Variants in LUZP2 observed in about 807,000 individuals in gnomAD.
LUZP2 encodes the protein leucine zipper protein 2.
LUZP2 carries 52 observed loss-of-function variants against 51.6 expected under a neutral mutation model. The ratio of observed to expected loss-of-function variants is 1.01; its 90% CI spans 0.81 to 1.27. LUZP2 has a LOEUF of 1.27. LUZP2 is among the 50% of genes most tolerant of loss of function. The pLI, the probability that LUZP2 is intolerant of heterozygous loss-of-function variation, is 0.00. For missense variants in LUZP2, 436 were observed against 395.4 expected (o/e 1.10, Z -0.87); for synonymous variants, 154 against 137.3 (o/e 1.12, Z -0.85).
chr11:24,759,859 A>G (rs1221216416), intron 4 of LUZP2, among the ~76,000 whole-genome samples: 1 of 152,182 alleles, frequency 6.6e-6, no homozygotes, highest in African/African-American at 2.4e-5. Context: ...TCAATTTCAA[A>G]GCTTATTTCA....
chr11:24,762,469 CTG>C (rs1038552122), intron 4 of LUZP2, among the ~76,000 whole-genome samples: 66 of 152,166 alleles, frequency 4.3e-4, no homozygotes, highest in African/African-American at 1.4e-3. Flanking sequence ...TTAAATTCAC[CTG>C]TGTCATTACT....
intron 1 of LUZP2, among the ~76,000 whole-genome samples, chr11:24,638,917 G>GA (rs759853122): frequency 9.9e-4 from 150 of 151,046 alleles, no homozygotes; most frequent in Non-Finnish European, 1.8e-3. Context: ...AATTTTCCCA[G>GA]AAAAAAATAT....
At chr11:24,568,353 C>T (rs556939542) in intron 1 of LUZP2, among the ~76,000 whole-genome samples, 1,044 of 34,028 alleles carry the variant, frequency 0.031, 14 homozygotes, top group African/African-American at 0.081. Context: ...GAATCTGTCT[C>T]AGAAAAAAAA....
intron 1 of LUZP2, among the ~76,000 whole-genome samples, chr11:24,573,831 CT>C (rs1322330847): frequency 6.6e-6 from 1 of 150,770 alleles, no homozygotes; most frequent in Admixed American, 6.7e-5. Context: ...ACAAGAGAAT[CT>C]TTTTTAAAAA....
At chr11:24,597,299 C>A (rs1853474913) in intron 1 of LUZP2, among the ~76,000 whole-genome samples, 1 of 152,042 alleles carries the variant, frequency 6.6e-6, no homozygotes, top group African/African-American at 2.4e-5. Context: ...CTTTATTATT[C>A]AATGCATACA....
chr11:24,919,511 A>T (rs1315896792), intron 7 of LUZP2, among the ~76,000 whole-genome samples: 1 of 124,872 alleles, frequency 8.0e-6, no homozygotes, highest in Admixed American at 8.0e-5. Flanking sequence ...TATATTCATA[A>T]TCTATATATT....
chr11:24,675,906 C>G (rs1368936463), intron 1 of LUZP2, among the ~76,000 whole-genome samples: 1 of 151,842 alleles, frequency 6.6e-6, no homozygotes, highest in Non-Finnish European at 1.5e-5. Context: ...GCAACCTCCC[C>G]CTCCCGGGTT....
At chr11:25,049,577 G>C (rs7107286) in intron 9 of LUZP2, among the ~76,000 whole-genome samples, 71,215 of 151,778 alleles carry the variant, frequency 0.47, 17,167 homozygotes, top group Non-Finnish European at 0.51. Context: ...ACATATTGGA[G>C]TTAATATAAT....
chr11:24,591,431 T>G (rs1853257447), intron 1 of LUZP2, among the ~76,000 whole-genome samples: 1 of 152,210 alleles, frequency 6.6e-6, no homozygotes, highest in Non-Finnish European at 1.5e-5. Flanking sequence ...TTCAATTACC[T>G]TCTACTTCTC....
chr11:24,809,630 A>G (rs1415896353), intron 5 of LUZP2, among the ~76,000 whole-genome samples: 1 of 152,174 alleles, frequency 6.6e-6, no homozygotes, highest in Non-Finnish European at 1.5e-5. Flanking sequence ...GTGAGAATCA[A>G]CTTTCTGAAA....
At chr11:24,677,653 T>A (rs975646095) in intron 1 of LUZP2, among the ~76,000 whole-genome samples, 1 of 152,238 alleles carries the variant, frequency 6.6e-6, no homozygotes, top group Non-Finnish European at 1.5e-5. Flanking sequence ...TTTCTTTAAA[T>A]TATTTATCAC....
chr11:24,831,984 C>G (rs1230705647), intron 5 of LUZP2: 3 of 152,368 alleles, frequency 2.0e-5, no homozygotes, highest in African/African-American at 7.2e-5. Context: ...TGATGTATCT[C>G]TAGTACCTAG....
chr11:25,016,575 T>C (rs762226915), intron 9 of LUZP2, among the ~76,000 whole-genome samples: 10 of 152,060 alleles, frequency 6.6e-5, no homozygotes, highest in Non-Finnish European at 1.3e-4. Context: ...TGGGTGTACC[T>C]ATATATGGTG....
At chr11:24,921,133 G>C (rs1248728551) in intron 7 of LUZP2, among the ~76,000 whole-genome samples, 1 of 151,988 alleles carries the variant, frequency 6.6e-6, no homozygotes, top group Non-Finnish European at 1.5e-5. Context: ...CAGGTGGAGT[G>C]GTTTTAGGAA....
intron 10 of LUZP2, among the ~76,000 whole-genome samples, chr11:25,071,358 T>C (rs886734765): frequency 6.8e-6 from 1 of 146,318 alleles, no homozygotes; most frequent in Non-Finnish European, 1.5e-5. Context: ...AACAAACCTG[T>C]ACATTGTGCA....
chr11:24,558,233 G>C (rs1851929980), intron 1 of LUZP2, among the ~76,000 whole-genome samples: 1 of 152,064 alleles, frequency 6.6e-6, no homozygotes, highest in Non-Finnish European at 1.5e-5. Flanking sequence ...GCCTAACACT[G>C]TCAACTTGCT....
intron 1 of LUZP2, among the ~76,000 whole-genome samples, chr11:24,680,983 T>A (rs1856715838): frequency 6.7e-6 from 1 of 150,094 alleles, no homozygotes; most frequent in Admixed American, 6.6e-5. Context: ...ATTTTTTTTT[T>A]TTTTTTTTTG....
intron 5 of LUZP2, among the ~76,000 whole-genome samples, chr11:24,826,550 C>G (rs868181274): frequency 6.7e-6 from 1 of 149,898 alleles, no homozygotes; most frequent in Non-Finnish European, 1.5e-5. Flanking sequence ...CACTGCCCTT[C>G]CAAAACAGTG....
intron 1 of LUZP2, among the ~76,000 whole-genome samples, chr11:24,668,434 G>A (rs936499035): frequency 4.6e-5 from 7 of 152,156 alleles, no homozygotes; most frequent in African/African-American, 1.7e-4. Flanking sequence ...CTTTCTGTCT[G>A]TGGAGACAAA....
Sources: allele counts gnomAD v4.1 joint callset (sites outside exome capture counted in the v4.1 genomes callset), GRCh38; gene constraint gnomAD v4.1.1; transcripts MANE v1.5; gene names NCBI Gene and HGNC (gene_info 2026-07-23, HGNC 2026-07-21).